CHRM3: variants seen among roughly 807,000 people sequenced by gnomAD.
CHRM3 encodes cholinergic receptor muscarinic 3.
In CHRM3, 11 loss-of-function variants were observed where a neutral mutation model predicts 41.8. The ratio of observed to expected loss-of-function variants is 0.26; its 90% CI spans 0.17 to 0.44. CHRM3 has a LOEUF of 0.44. Among genes scored for constraint, CHRM3 ranks in the 20% least tolerant of loss-of-function variants. The probability of loss-of-function intolerance (pLI) is 1.00; values close to 1 mark genes in which losing one functional copy is unlikely to be tolerated. For missense variants in CHRM3, 571 were observed against 745.4 expected (o/e 0.77, Z 2.72); for synonymous variants, 297 against 301.4 (o/e 0.99, Z 0.15).
At chr1:239,753,897 T>C (rs1296919578) in intron 5 of CHRM3, among the ~76,000 whole-genome samples, 1 of 152,236 alleles carries the variant, frequency 6.6e-6, no homozygotes, top group Non-Finnish European at 1.5e-5. Context: ...GTAAACAGTA[T>C]ATTCTGTTGA....
intron 6 of CHRM3, among the ~76,000 whole-genome samples, chr1:239,897,260 G>A (rs1225008183): frequency 6.6e-6 from 1 of 152,156 alleles, no homozygotes; most frequent in Non-Finnish European, 1.5e-5. Flanking sequence ...GAAATCAGAT[G>A]TGTGGAACAT....
intron 5 of CHRM3, among the ~76,000 whole-genome samples, chr1:239,804,609 C>T (rs548056429): frequency 8.5e-5 from 13 of 152,206 alleles, no homozygotes; most frequent in South Asian, 8.3e-4. Flanking sequence ...GGAAAGGAGC[C>T]GATGATGACT....
At chr1:239,864,318 C>CT (rs1157874187) in intron 6 of CHRM3, among the ~76,000 whole-genome samples, 4 of 152,088 alleles carry the variant, frequency 2.6e-5, no homozygotes, top group African/African-American at 9.7e-5. Flanking sequence ...ACCAGCCCAA[C>CT]CAACATGGAG....
chr1:239,418,295 G>C (rs1021968673), intron 1 of CHRM3, among the ~76,000 whole-genome samples: 3 of 152,072 alleles, frequency 2.0e-5, no homozygotes, highest in Non-Finnish European at 4.4e-5. Flanking sequence ...TCAAGATCAA[G>C]TTTTTAACAT....
intron 3 of CHRM3, among the ~76,000 whole-genome samples, chr1:239,555,017 C>T (rs1035738291): frequency 2.0e-5 from 3 of 152,076 alleles, no homozygotes; most frequent in Non-Finnish European, 2.9e-5. Flanking sequence ...CGTAAGCCAC[C>T]GCTCCCAGCC....
chr1:239,432,458 C>T lies in CHRM3; in HGVS notation c.-521+45231C>T, dbSNP rs922159790. ...GTGTCTAATCTTACTTAATTAGATA[C>T]CAGTGTGCTTTGCTGTTACGTGAAG... On this transcript the variant is annotated intron_variant, in intron 1 of 6. Coordinates refer to ENST00000676153, the MANE Select transcript of CHRM3 (RefSeq NM_001375978.1). Among the ~76,000 whole-genome samples the T allele has an allele frequency of 2.0e-5, 3 of 152,008 alleles. No individual in the cohort carries two copies. The East Asian group carries it at 5.8e-4, about 29-fold the overall frequency.
At chr1:239,711,816 G>GTAGC (rs1021183694) in intron 5 of CHRM3, among the ~76,000 whole-genome samples, 11 of 152,044 alleles carry the variant, frequency 7.2e-5, no homozygotes, top group Admixed American at 7.2e-4. Context: ...AGCCTCTAGA[G>GTAGC]TAGCTAGGAC....
intron 5 of CHRM3, among the ~76,000 whole-genome samples, chr1:239,814,602 C>T (rs972608958): frequency 2.0e-5 from 3 of 152,084 alleles, no homozygotes; most frequent in Non-Finnish European, 4.4e-5. Context: ...ATTAAGTCTT[C>T]CCTGAGTTGA....
intron 6 of CHRM3, among the ~76,000 whole-genome samples, chr1:239,881,179 A>T (rs1279233459): frequency 7.0e-6 from 1 of 143,738 alleles, no homozygotes; most frequent in African/African-American, 2.5e-5. Flanking sequence ...GCTTCTCGGG[A>T]GGCTGAGGCA....
intron 5 of CHRM3, among the ~76,000 whole-genome samples, chr1:239,749,856 T>G (rs1665665465): frequency 6.6e-6 from 1 of 152,230 alleles, no homozygotes; most frequent in Non-Finnish European, 1.5e-5. Flanking sequence ...ATACTTCATT[T>G]AAGGTATTGA....
At chr1:239,648,548 C>A (rs955149783) in intron 4 of CHRM3, among the ~76,000 whole-genome samples, 7 of 152,100 alleles carry the variant, frequency 4.6e-5, no homozygotes, top group African/African-American at 7.2e-5. Context: ...GCCAGCCCCA[C>A]CCCTCTATGT....
intron 5 of CHRM3, among the ~76,000 whole-genome samples, chr1:239,770,311 G>A (rs1005914602): frequency 4.6e-5 from 7 of 152,112 alleles, no homozygotes; most frequent in African/African-American, 1.4e-4. Flanking sequence ...TGGCTTTGTG[G>A]CCCTTTCCTC....
intron 2 of CHRM3, among the ~76,000 whole-genome samples, chr1:239,507,387 C>G (rs1011230406): frequency 6.6e-6 from 1 of 152,182 alleles, no homozygotes; most frequent in Non-Finnish European, 1.5e-5. Context: ...TTTCCCTGAA[C>G]AAGCTCTCTT....
chr1:239,514,398 G>A (rs1348782247), intron 2 of CHRM3, among the ~76,000 whole-genome samples: 1 of 151,286 alleles, frequency 6.6e-6, no homozygotes, highest in African/African-American at 2.4e-5. Flanking sequence ...TAATATAAAT[G>A]GTATTGTGTT....
chr1:239,747,178 C>G (rs905855271), intron 5 of CHRM3, among the ~76,000 whole-genome samples: 1 of 152,140 alleles, frequency 6.6e-6, no homozygotes, highest in Admixed American at 6.5e-5. Flanking sequence ...TTTTATTTTT[C>G]CCACATATAA....
chr1:239,776,629 A>G (rs965904840), intron 5 of CHRM3, among the ~76,000 whole-genome samples: 1 of 152,202 alleles, frequency 6.6e-6, no homozygotes, highest in African/African-American at 2.4e-5. Flanking sequence ...AATGAGGGCC[A>G]TGCCAAGGTA....
Position 239,457,920 on chromosome 1 carries a change from C to G in CHRM3, c.-520-34789C>G, listed in dbSNP as rs564179555. ...CAAGTAACTTGTGAAATGGTTTCAT[C>G]ACTTGTTTCTGTCCATGAAGGAAGT... On this transcript the variant is annotated intron_variant, in intron 1 of 6. Transcript: ENST00000676153. 2.6e-5 allele frequency among the ~76,000 whole-genome samples: 4 copies of G among 152,192 alleles called. No individual in the cohort carries two copies. The East Asian group carries it at 7.7e-4, about 29-fold the overall frequency.
intron 1 of CHRM3, among the ~76,000 whole-genome samples, chr1:239,476,667 A>G (rs1666493271): frequency 6.6e-6 from 1 of 152,206 alleles, no homozygotes; most frequent in Non-Finnish European, 1.5e-5. Flanking sequence ...ATTGCTACAT[A>G]TAGGTTATCT....
intron 1 of CHRM3, among the ~76,000 whole-genome samples, chr1:239,391,814 T>C (rs1231077102): frequency 2.0e-5 from 3 of 152,144 alleles, no homozygotes; most frequent in Non-Finnish European, 4.4e-5. Context: ...CAAAAACCAA[T>C]TTGATAAACA....
Sources: allele counts gnomAD v4.1 joint callset (sites outside exome capture counted in the v4.1 genomes callset), GRCh38; gene constraint gnomAD v4.1.1; transcripts MANE v1.5; gene names NCBI Gene and HGNC (gene_info 2026-07-23, HGNC 2026-07-21).